PCBP3: variants seen among roughly 807,000 people sequenced by gnomAD.
PCBP3 encodes the protein poly(rC) binding protein 3, also known as poly(rC)-binding protein 3.
In PCBP3, 25 loss-of-function variants were observed where a neutral mutation model predicts 52.7. That is an observed-to-expected ratio of 0.47 (90% CI 0.35 to 0.66). The LOEUF (loss-of-function observed/expected upper bound fraction) is 0.66, where lower values mean the gene tolerates loss of function less well. PCBP3 is among the 30% of genes least tolerant of loss of function. PCBP3 has a pLI of 0.01. For synonymous variants in PCBP3, 162 were observed against 183.0 expected (o/e 0.89, Z 0.93); for missense variants, 391 against 490.3 (o/e 0.80, Z 1.91).
intron 1 of PCBP3, among the ~76,000 whole-genome samples, chr21:45,646,916 G>T (rs1374515127): frequency 1.3e-5 from 2 of 152,204 alleles, no homozygotes; most frequent in Non-Finnish European, 2.9e-5. Context: ...CTGAGTGGTT[G>T]CCAGGCATTC....
chr21:45,901,555 C>G (rs2096039787), intron 9 of PCBP3: 1 of 208,224 alleles, frequency 4.8e-6, no homozygotes, highest in African/African-American at 2.3e-5. Context: ...CACCATGCCT[C>G]TGGGGCCCCC....
Position 45,704,226 on chromosome 21 carries a change from ACT to A in PCBP3, c.-199-31163_-199-31162del, listed in dbSNP as rs1191798703. On this transcript the variant is annotated intron_variant, in intron 2 of 17. Transcript: ENST00000681687. This position sits in a 1 kb window ranked among gnomAD's most constrained non-coding sequence, Gnocchi z 4.1. The stretch of plus-strand genomic sequence containing the variant: ...AGATGCTGGGGATGGCTCCAAGGAG[ACT>A]CTGGTGGCAACCCTGAGCAGTGTGG... Among the ~76,000 whole-genome samples the A allele has an allele frequency of 2.6e-5, 4 of 151,882 alleles. No homozygotes were observed. The highest frequency in any genetic ancestry group is 4.4e-5 in the Non-Finnish European group (3 of 67,944).
At chr21:45,728,068 T>G (rs2085188835) in intron 2 of PCBP3, among the ~76,000 whole-genome samples, 1 of 152,222 alleles carries the variant, frequency 6.6e-6, no homozygotes, top group African/African-American at 2.4e-5. Flanking sequence ...ATTAGATTAG[T>G]TCAGCTTTTG....
chr21:45,909,878 CG>C (rs2096313378), intron 10 of PCBP3, among the ~76,000 whole-genome samples: 2 of 63,242 alleles, frequency 3.2e-5, no homozygotes, highest in Admixed American at 1.7e-4. Context: ...GATACGGACC[CG>C]GCCACCCACT....
intron 9 of PCBP3, among the ~76,000 whole-genome samples, chr21:45,907,210 G>A (rs1324047805): frequency 1.3e-5 from 2 of 152,212 alleles, no homozygotes; most frequent in Non-Finnish European, 2.9e-5. Context: ...GTTGGGTGCT[G>A]GGGCTGGTGA....
chr21:45,740,210 G>A (rs1350877832), intron 3 of PCBP3, among the ~76,000 whole-genome samples: 1 of 152,202 alleles, frequency 6.6e-6, no homozygotes, highest in Non-Finnish European at 1.5e-5. Context: ...TCAAGTGCAA[G>A]GAGCCCTCGC....
intron 6 of PCBP3, among the ~76,000 whole-genome samples, chr21:45,898,421 C>T (rs971493150): frequency 6.7e-6 from 1 of 150,086 alleles, no homozygotes; most frequent in Non-Finnish European, 1.5e-5. Flanking sequence ...CAGCCTCCCT[C>T]TGCACACCGT....
chr21:45,940,522 C>G (rs929652700), intron 17 of PCBP3, among the ~76,000 whole-genome samples: 1 of 152,236 alleles, frequency 6.6e-6, no homozygotes, highest in Admixed American at 6.5e-5. Context: ...GACTCTTGTC[C>G]GCTCAGAGGT....
At chr21:45,864,476 C>G (rs893800721) in intron 5 of PCBP3, among the ~76,000 whole-genome samples, 3 of 152,208 alleles carry the variant, frequency 2.0e-5, no homozygotes, top group African/African-American at 7.2e-5. Flanking sequence ...CTGAGTTTTT[C>G]AGTTCATAAG....
At chr21:45,645,386 A>G (rs1935317135) in intron 1 of PCBP3, among the ~76,000 whole-genome samples, 1 of 152,172 alleles carries the variant, frequency 6.6e-6, no homozygotes, top group African/African-American at 2.4e-5. Flanking sequence ...TGGGGTCTTT[A>G]TAACTGAAAA....
chr21:45,880,277 G>A lies in PCBP3; in HGVS notation c.11-15931G>A, dbSNP rs1280265077. ...GAAAGCTCTACCCTGCTGGCCCTGG[G>A]CCTCGGAGGGGAGGGGAGCGCCTGG... is the stretch of plus-strand genomic sequence containing the variant. On this transcript the variant is annotated intron_variant, in intron 5 of 17. Coordinates refer to ENST00000681687, the MANE Select transcript of PCBP3 (RefSeq NM_001384156.1). The surrounding 1 kb of genome is among the most constrained non-coding windows in gnomAD (Gnocchi z 5.4). Among the ~76,000 whole-genome samples the A allele has an allele frequency of 6.6e-6, 1 of 152,198 alleles. No individual in the cohort carries two copies. Among genetic ancestry groups the A allele is most frequent in the Admixed American group, 6.5e-5 (1 of 15,288 alleles).
chr21:45,935,791 C>T (rs2076832845), intron 16 of PCBP3, among the ~76,000 whole-genome samples: 1 of 152,232 alleles, frequency 6.6e-6, no homozygotes, highest in South Asian at 2.1e-4. Context: ...TTCTAGCACT[C>T]GTCAGTCTAT....
chr21:45,927,738 C>T (rs946858944), intron 13 of PCBP3, among the ~76,000 whole-genome samples: 4 of 152,204 alleles, frequency 2.6e-5, no homozygotes, highest in East Asian at 3.9e-4. Flanking sequence ...TTTTGTCATC[C>T]GCAGCCACAG....
At position 45,685,773 on chromosome 21, in the gene PCBP3, G is replaced by C. The variant is rs538968363; in HGVS notation, c.-200+16821G>C. ...ATACATGGAAAGACTCTGAAGAGAA[G>C]TAAAATCAGCCCCAAAAATCTGCAC... On this transcript the variant is annotated intron_variant, in intron 2 of 17. Transcript: ENST00000681687. 2.0e-5 allele frequency among the ~76,000 whole-genome samples: 3 copies of C among 152,256 alleles called. No homozygotes were observed. The South Asian group carries it at 6.2e-4, about 32-fold the overall frequency.
chr21:45,883,561 G>T (rs2095449901), intron 5 of PCBP3, among the ~76,000 whole-genome samples: 1 of 152,034 alleles, frequency 6.6e-6, no homozygotes, highest in Non-Finnish European at 1.5e-5. Flanking sequence ...ATATTTTACA[G>T]CTCTGTTATT....
chr21:45,926,124 G>A (rs1387152732), intron 13 of PCBP3, among the ~76,000 whole-genome samples: 3 of 152,214 alleles, frequency 2.0e-5, no homozygotes, highest in African/African-American at 7.2e-5. Context: ...ACCACATGAC[G>A]GTTCAGCCAA....
intron 4 of PCBP3, among the ~76,000 whole-genome samples, chr21:45,836,699 T>C (rs771361293): frequency 1.1e-4 from 17 of 152,082 alleles, no homozygotes; most frequent in Non-Finnish European, 2.2e-4. Flanking sequence ...TCCTCTTCTT[T>C]ACCGTGATCC....
intron 4 of PCBP3, among the ~76,000 whole-genome samples, chr21:45,834,595 C>G (rs1266954823): frequency 6.6e-6 from 1 of 152,208 alleles, no homozygotes; most frequent in African/African-American, 2.4e-5. Flanking sequence ...ACCACGTCCA[C>G]GAGTGCTGCA....
chr21:45,762,486 C>CTTTTTTTTTT (rs1401689005), intron 4 of PCBP3: 23 of 95,300 alleles, frequency 2.4e-4, no homozygotes, highest in African/African-American at 7.2e-4. Flanking sequence ...CTTTTCTTTT[C>CTTTTTTTTTT]TTCTCTTTTT....
Sources: allele counts gnomAD v4.1 joint callset (sites outside exome capture counted in the v4.1 genomes callset), GRCh38; gene constraint gnomAD v4.1.1; non-coding constraint Gnocchi (gnomAD v3.1); transcripts MANE v1.5; gene names NCBI Gene and HGNC (gene_info 2026-07-23, HGNC 2026-07-21).